The following COL24A1 variants were observed in gnomAD, a reference collection of about 807,000 sequenced individuals.
COL24A1 encodes the protein collagen type XXIV alpha 1 chain, also known as collagen alpha-1(XXIV) chain.
COL24A1 carries 224 observed loss-of-function variants against 253.9 expected under a neutral mutation model. The ratio of observed to expected loss-of-function variants is 0.88; its 90% confidence interval spans 0.79 to 0.99. COL24A1 has a LOEUF of 0.99. Ranked by LOEUF, COL24A1 falls within the 50% of genes least tolerant of loss-of-function variation. The pLI, the probability that COL24A1 is intolerant of heterozygous loss-of-function variation, is 0.00. For synonymous variants in COL24A1, 685 were observed against 673.7 expected (o/e 1.02, Z -0.26); for missense variants, 2,131 against 2,068.5 (o/e 1.03, Z -0.59).
chr1:85,849,446 GA>G (rs1195448154), intron 37 of COL24A1, 40 bp from the exon 38 acceptor site: 1 of 1,442,964 alleles, frequency 6.9e-7, no homozygotes, highest in African/African-American at 1.4e-5. Context: ...AATGGTTAAA[GA>G]AAAGATGAGA....
In COL24A1 at chr1:85,761,502, TA is replaced by T. The variant is rs749890825; in HGVS notation, c.4410+28del. 24 of 1,613,974 alleles carry T rather than the reference TA, an allele frequency of 1.5e-5. No homozygotes were observed. In the South Asian group the frequency reaches 2.6e-4, roughly 18 times the overall value. ...CAGGCAAACATATAAGCATCAATGGTAAACAGATATAAATGAAAACCAACTC... is the reference window on the plus strand; with the variant it reads ...CAGGCAAACATATAAGCATCAATGGTAACAGATATAAATGAAAACCAACTC... On this transcript the variant is annotated intron_variant, in intron 54 of 59. Transcript: ENST00000370571.
intron 14 of COL24A1, among the ~76,000 whole-genome samples, chr1:86,027,103 C>T (rs1380265487): frequency 2.0e-5 from 3 of 152,232 alleles, no homozygotes; most frequent in African/African-American, 7.2e-5. Flanking sequence ...CTCTTAAAAG[C>T]ATTCAGTTTT....
intron 2 of COL24A1, among the ~76,000 whole-genome samples, chr1:86,141,614 G>A (rs938349982): frequency 6.6e-6 from 1 of 151,878 alleles, no homozygotes; most frequent in African/African-American, 2.4e-5. Context: ...AGTCAGACAG[G>A]TTTCTACTTA....
Position 85,892,165 on chromosome 1 carries a change from A to G in COL24A1, c.2923-2552T>C, listed in dbSNP as rs1191419885. Among the ~76,000 whole-genome samples the G allele has an allele frequency of 2.0e-5, 3 of 152,168 alleles. No individual in the cohort carries two copies. The East Asian group carries it at 5.8e-4, about 29-fold the overall frequency. On this transcript the variant is annotated intron_variant, in intron 31 of 59. Coordinates refer to ENST00000370571, the MANE Select transcript of COL24A1 (RefSeq NM_152890.7). ...AGTCAAGACTGCTAGTAAGTGGCAAAACCAATATATGACTTCCAATATGAT... is the reference window on the plus strand; with the variant it reads ...AGTCAAGACTGCTAGTAAGTGGCAAGACCAATATATGACTTCCAATATGAT...
At chr1:85,821,341 T>C (rs951671894) in intron 45 of COL24A1, among the ~76,000 whole-genome samples, 2 of 152,222 alleles carry the variant, frequency 1.3e-5, no homozygotes, top group Non-Finnish European at 2.9e-5. Flanking sequence ...TTCTTCATAA[T>C]AACAGGAGCT....
intron 24 of COL24A1, among the ~76,000 whole-genome samples, chr1:85,939,992 G>A (rs1688589183): frequency 6.6e-6 from 1 of 152,130 alleles, no homozygotes; most frequent in Non-Finnish European, 1.5e-5. Context: ...AACTAAGACT[G>A]TGCCTAGTAT....
intron 37 of COL24A1, among the ~76,000 whole-genome samples, chr1:85,858,621 C>CTCCCTCCCTCCTTCCT (rs1347863094): frequency 6.2e-5 from 7 of 113,372 alleles, no homozygotes; most frequent in South Asian, 3.5e-4. Context: ...TATTTTCTCC[C>CTCCCTCCCTCCTTCCT]TCCTTCCTTC....
chr1:85,843,683 G>A (rs1296122402), intron 39 of COL24A1, among the ~76,000 whole-genome samples: 2 of 152,118 alleles, frequency 1.3e-5, no homozygotes, highest in African/African-American at 4.8e-5. Flanking sequence ...GAAGGGGCAG[G>A]ATAGGTTCAG....
rs958937680 is a variant in COL24A1, at chr1:86,108,688, C to T, written c.1599+3879G>A. On this transcript the variant is annotated intron_variant, in intron 5 of 59. Coordinates refer to ENST00000370571, the MANE Select transcript of COL24A1 (RefSeq NM_152890.7). The stretch of plus-strand genomic sequence containing the variant: ...CAGGCATGGTGGCACATGCCTGTAA[C>T]CCCAGCTACTCAGGAGGCTGCAGCA... Among the ~76,000 whole-genome samples, 5 of 149,752 alleles carry T rather than the reference C, an allele frequency of 3.3e-5. No homozygotes were observed. The East Asian group carries it at 9.8e-4, about 29-fold the overall frequency.
chr1:85,737,407 A>G lies in COL24A1; in HGVS notation c.4771T>C (p.Ser1591Pro). The change falls in exon 58 of 60, where the codon TCT (serine) becomes CCT (proline). Residue 1591 changes from serine (S) to proline (P), a missense_variant. Coordinates refer to ENST00000370571, the MANE Select transcript of COL24A1 (RefSeq NM_152890.7). The part of the protein sequence containing the change: ...AGGQTCLPPV[S>P]VTKLEFGVGK... Reference sequence around the variant, plus strand: ...ATTCAGTAACATACCTTTGTTACAGAAACAGGAGGTAAGCATGTCTGGCCA... The same window carrying G: ...ATTCAGTAACATACCTTTGTTACAGGAACAGGAGGTAAGCATGTCTGGCCA... 5 of 1,610,630 alleles carry G rather than the reference A, an allele frequency of 3.1e-6. No individual in the cohort carries two copies. Among genetic ancestry groups the G allele is most frequent in the Non-Finnish European group, 4.2e-6 (5 of 1,177,644 alleles).
chr1:85,916,668 C>T (rs1186114070), intron 24 of COL24A1, among the ~76,000 whole-genome samples: 1 of 151,958 alleles, frequency 6.6e-6, no homozygotes, highest in Non-Finnish European at 1.5e-5. Context: ...CTCCAAAATA[C>T]ATAAAAAGAA....
Position 86,142,545 on chromosome 1 carries a change from A to AC in COL24A1, c.121+3573_121+3574insG, listed in dbSNP as rs200434567. Among the ~76,000 whole-genome samples, 246 of 151,010 alleles carry AC rather than the reference A, an allele frequency of 1.6e-3. 1 individual carries two copies. The highest frequency in any genetic ancestry group is 6.6e-3 in the East Asian group (34 of 5,126). On this transcript the variant is annotated intron_variant, in intron 2 of 59. Coordinates refer to ENST00000370571, the MANE Select transcript of COL24A1 (RefSeq NM_152890.7). ...CTCAAAAAAAAAAACAAAAAACAAA[A>AC]AACAAAAAAAACAATTTAAACACAG...
At position 85,803,429 on chromosome 1, in the gene COL24A1, C is replaced by CA. The variant is rs35026268; in HGVS notation, c.3951+13358dup. On this transcript the variant is annotated intron_variant, in intron 47 of 59. Transcript: ENST00000370571. The stretch of plus-strand genomic sequence containing the variant: ...TAGGTGACAGAGCAAGACTCCATCT[C>CA]AAAAAAAAAAAAAAAACCATAAACA... Among the ~76,000 whole-genome samples the CA allele has an allele frequency of 2.9e-3, 335 of 115,422 alleles. 2 individuals carry two copies. Among genetic ancestry groups the CA allele is most frequent in the African/African-American group, 6.2e-3 (183 of 29,594 alleles). The allele number at this position is 115,422 out of a possible 152,430, so 75.7% of individuals were successfully genotyped here. A position where few individuals can be genotyped will look rare whatever the true frequency, so the allele number is the denominator to read the frequency against.
chr1:85,768,330 G>C (rs1181254198), intron 53 of COL24A1, among the ~76,000 whole-genome samples: 2 of 152,074 alleles, frequency 1.3e-5, no homozygotes, highest in African/African-American at 2.4e-5. Flanking sequence ...ATAGGGAGGT[G>C]TTTAAAGAGG....
At chr1:85,958,592 G>A (rs188399367) in intron 24 of COL24A1, among the ~76,000 whole-genome samples, 1 of 152,104 alleles carries the variant, frequency 6.6e-6, no homozygotes, top group African/African-American at 2.4e-5. Context: ...CTATTTGAGT[G>A]TTAGAAATTC....
intron 12 of COL24A1, among the ~76,000 whole-genome samples, chr1:86,043,747 C>T (rs1699682135): frequency 6.6e-6 from 1 of 152,044 alleles, no homozygotes; most frequent in African/African-American, 2.4e-5. Context: ...AAGATGGTCT[C>T]GATCTCTTGA....
chr1:86,126,336 T>C (rs1648297254), intron 2 of COL24A1, 122 bp from the exon 3 acceptor site: 1 of 832,384 alleles, frequency 1.2e-6, no homozygotes. Context: ...AATAAGCATG[T>C]TCTATCAATA....
chr1:86,118,386 A>C (rs571275361), intron 3 of COL24A1, among the ~76,000 whole-genome samples: 1 of 152,180 alleles, frequency 6.6e-6, no homozygotes, highest in Non-Finnish European at 1.5e-5. Context: ...TAAGGTATGC[A>C]TAAGGCACAG....
At chr1:86,105,443 G>A (rs568552690) in intron 5 of COL24A1, among the ~76,000 whole-genome samples, 146 of 152,250 alleles carry the variant, frequency 9.6e-4, no homozygotes, top group African/African-American at 3.4e-3. Context: ...GTTATGATGC[G>A]GGCCCCCAGG....
Sources: allele counts gnomAD v4.1 joint callset (sites outside exome capture counted in the v4.1 genomes callset), GRCh38; gene constraint gnomAD v4.1.1; transcripts MANE v1.5; gene names NCBI Gene and HGNC (gene_info 2026-07-23, HGNC 2026-07-21).